DTNBP1: variants seen among roughly 807,000 people sequenced by gnomAD.
The protein encoded by DTNBP1 is dystrobrevin binding protein 1, also known as dysbindin.
DTNBP1 carries 35 observed loss-of-function variants against 42.8 expected under a neutral mutation model. The observed-to-expected ratio is 0.82, with a 90% CI of 0.63 to 1.09. DTNBP1 has a LOEUF of 1.09. DTNBP1 is among the 50% of genes least tolerant of loss of function. The probability of loss-of-function intolerance (pLI) is 0.00; values close to 1 mark genes in which losing one functional copy is unlikely to be tolerated. For synonymous variants in DTNBP1, 171 were observed against 162.2 expected (o/e 1.05, Z -0.41); for missense variants, 457 against 424.2 (o/e 1.08, Z -0.68).
rs1467684458 is a variant in DTNBP1, at chr6:15,523,950, A to G, written c.811+576T>C. The G allele has an allele frequency of 5.4e-6, 7 of 1,287,290 alleles. No homozygotes were observed. The African/African-American group carries it at 1.1e-4, about 20-fold the overall frequency. The allele number at this position is 1,287,290 out of a possible 1,614,324, so 79.7% of individuals were successfully genotyped here. A position where few individuals can be genotyped will look rare whatever the true frequency, so the allele number is the denominator to read the frequency against. On this transcript the variant is annotated intron_variant, in intron 9 of 9. Transcript: ENST00000344537. ...AGCTTTGCCTTGACCCAGCCCAAAG[A>G]ACTGGTCTGAAATTTGAAACGCACC...
chr6:15,541,867 A>T (rs1407147440), intron 7 of DTNBP1, among the ~76,000 whole-genome samples: 5 of 152,208 alleles, frequency 3.3e-5, no homozygotes, highest in Non-Finnish European at 5.9e-5. Context: ...AAGCCTTTTA[A>T]CCGAGATAGG....
At chr6:15,662,704 G>C in intron 1 of DTNBP1, 110 bp downstream of exon 1, 2 of 1,449,094 alleles carry the variant, frequency 1.4e-6, no homozygotes, top group South Asian at 1.2e-5. Context: ...GGGGAGGTGC[G>C]GGACAGGACG....
chr6:15,596,067 T>C (rs1467893843), intron 6 of DTNBP1, among the ~76,000 whole-genome samples: 1 of 152,094 alleles, frequency 6.6e-6, no homozygotes, highest in African/African-American at 2.4e-5. Context: ...AAGAGCTAAT[T>C]AATACTTGGC....
At chr6:15,547,768 G>A (rs954849509) in intron 7 of DTNBP1, among the ~76,000 whole-genome samples, 2 of 152,206 alleles carry the variant, frequency 1.3e-5, no homozygotes, top group African/African-American at 4.8e-5. Context: ...CACAGAAGGA[G>A]GCAAGATCCC....
intron 7 of DTNBP1, among the ~76,000 whole-genome samples, chr6:15,586,556 CCTAA>C (rs1203305213): frequency 1.3e-5 from 2 of 152,038 alleles, no homozygotes; most frequent in Non-Finnish European, 2.9e-5. Context: ...CTCCCTTCAA[CCTAA>C]CTCTCTCCTC....
chr6:15,640,110 T>G (rs1458244869), intron 3 of DTNBP1, among the ~76,000 whole-genome samples: 1 of 152,188 alleles, frequency 6.6e-6, no homozygotes, highest in African/African-American at 2.4e-5. Flanking sequence ...TGCTCTACTT[T>G]TACGACATGA....
chr6:15,658,874 G>C lies in DTNBP1; in HGVS notation c.56+3940C>G, dbSNP rs140184679. ...TTAGGTGAGGGGAAAAGATCTTTGA[G>C]TGAAGCTCAGAACCAATCCTCTTCA... On this transcript the variant is annotated intron_variant, in intron 1 of 9. Coordinates refer to ENST00000344537, the MANE Select transcript of DTNBP1 (RefSeq NM_032122.5). Among the ~76,000 whole-genome samples, 404 of 152,350 alleles carry C rather than the reference G, an allele frequency of 2.7e-3. 6 individuals are homozygous for C. Among genetic ancestry groups the C allele is most frequent in the Admixed American group, 0.02 (299 of 15,306 alleles).
At chr6:15,526,553 G>A (rs1010577807) in intron 8 of DTNBP1, among the ~76,000 whole-genome samples, 4 of 152,150 alleles carry the variant, frequency 2.6e-5, no homozygotes, top group South Asian at 4.1e-4. Flanking sequence ...CATCACCCTC[G>A]CCAACTGAGC....
intron 7 of DTNBP1, among the ~76,000 whole-genome samples, chr6:15,567,684 C>T (rs1775157194): frequency 6.6e-6 from 1 of 152,150 alleles, no homozygotes; most frequent in Non-Finnish European, 1.5e-5. Flanking sequence ...TTATATTTCC[C>T]TAAAATGTAT....
At chr6:15,534,981 A>C (rs1005417473) in intron 7 of DTNBP1, among the ~76,000 whole-genome samples, 1 of 152,122 alleles carries the variant, frequency 6.6e-6, no homozygotes, top group Non-Finnish European at 1.5e-5. Flanking sequence ...CCAGCTATAA[A>C]CACTTTCCAG....
chr6:15,545,593 G>A (rs2113378575), intron 7 of DTNBP1, among the ~76,000 whole-genome samples: 1 of 148,576 alleles, frequency 6.7e-6, no homozygotes, highest in African/African-American at 2.6e-5. Context: ...AGGAATAATG[G>A]CAGTTTTTTT....
intron 5 of DTNBP1, among the ~76,000 whole-genome samples, chr6:15,616,909 A>T (rs1758748462): frequency 6.6e-6 from 1 of 152,208 alleles, no homozygotes; most frequent in African/African-American, 2.4e-5. Flanking sequence ...AGAACTTGAT[A>T]AATAAATTCA....
At chr6:15,588,864 T>C (rs561758732) in intron 7 of DTNBP1, among the ~76,000 whole-genome samples, 1 of 152,374 alleles carries the variant, frequency 6.6e-6, no homozygotes, top group African/African-American at 2.4e-5. Flanking sequence ...GTCATTCAGA[T>C]CAAGTGTCAT....
chr6:15,660,766 C>T (rs1761560275), intron 1 of DTNBP1, among the ~76,000 whole-genome samples: 1 of 152,100 alleles, frequency 6.6e-6, no homozygotes, highest in South Asian at 2.1e-4. Context: ...GGTAAAATGC[C>T]TTCTTACAAA....
intron 7 of DTNBP1, among the ~76,000 whole-genome samples, chr6:15,577,455 G>A (rs1426642932): frequency 6.6e-6 from 1 of 152,246 alleles, no homozygotes; most frequent in Non-Finnish European, 1.5e-5. Context: ...AACGGTGAGA[G>A]GCAGTTTGTG....
chr6:15,566,079 C>T (rs1416493440), intron 7 of DTNBP1, among the ~76,000 whole-genome samples: 1 of 152,126 alleles, frequency 6.6e-6, no homozygotes, highest in Non-Finnish European at 1.5e-5. Flanking sequence ...CTTTGGGAGG[C>T]CGAGGCGGGC....
rs979522495 is a variant in DTNBP1, at chr6:15,615,391, C to T, written c.364G>A (p.Glu122Lys). Residue 122 changes from glutamate to lysine, a missense_variant, in exon 6 of 10, where the codon GAG (glutamate) becomes AAG (lysine). By Grantham distance (56) the Glu-to-Lys change is moderately conservative. Transcript: ENST00000344537. Reference sequence around the variant, plus strand: ...TTCTCTACCTCCTCAAAACTCGCCTCTAAATGAGCTGAAAGTATATAAAAA... The same window carrying T: ...TTCTCTACCTCCTCAAAACTCGCCTTTAAATGAGCTGAAAGTATATAAAAA... Reference protein sequence around the residue: ...ESMTANLTHLEASFEEVENNL... With the variant: ...ESMTANLTHLKASFEEVENNL... 22 of 1,613,994 alleles carry T rather than the reference C, an allele frequency of 1.4e-5. No individual in the cohort carries two copies. Among genetic ancestry groups the T allele is most frequent in the Non-Finnish European group, 1.9e-5 (22 of 1,180,014 alleles).
intron 4 of DTNBP1, among the ~76,000 whole-genome samples, chr6:15,630,759 T>C (rs1177977197): frequency 6.6e-6 from 1 of 151,908 alleles, no homozygotes; most frequent in African/African-American, 2.4e-5. Context: ...CTACTAAAAA[T>C]ACAAAAATTA....
At chr6:15,540,561 TCA>T (rs1773496915) in intron 7 of DTNBP1, among the ~76,000 whole-genome samples, 1 of 152,232 alleles carries the variant, frequency 6.6e-6, no homozygotes. Flanking sequence ...TCAGTTTATC[TCA>T]GTTTTTTCTA....
Sources: allele counts gnomAD v4.1 joint callset (sites outside exome capture counted in the v4.1 genomes callset), GRCh38; gene constraint gnomAD v4.1.1; transcripts MANE v1.5; gene names NCBI Gene and HGNC (gene_info 2026-07-23, HGNC 2026-07-21).